CHUK: variants seen among roughly 807,000 people sequenced by gnomAD.
CHUK encodes inhibitor of nuclear factor kappa-B kinase subunit alpha.
A neutral mutation model predicts 104.8 loss-of-function variants in CHUK; 35 were observed. That is an observed-to-expected ratio of 0.33 (90% confidence interval 0.26 to 0.44). The LOEUF is 0.44. Ranked by LOEUF, CHUK falls within the 20% of genes least tolerant of loss-of-function variation. CHUK has a pLI of 1.00. For synonymous variants in CHUK, 276 were observed against 291.9 expected (o/e 0.95, Z 0.56); for missense variants, 663 against 902.7 (o/e 0.73, Z 3.40).
chr10:100,219,590 G>T (rs572144409), intron 5 of CHUK, among the ~76,000 whole-genome samples: 1 of 152,142 alleles, frequency 6.6e-6, no homozygotes, highest in Non-Finnish European at 1.5e-5. Flanking sequence ...CTGCTTCACA[G>T]AATTGTTATT....
intron 9 of CHUK, among the ~76,000 whole-genome samples, chr10:100,215,188 T>C (rs1845823949): frequency 7.6e-6 from 1 of 132,148 alleles, no homozygotes; most frequent in Admixed American, 8.8e-5. Flanking sequence ...TGAGTTGAGA[T>C]CGTGAGACAG....
intron 1 of CHUK, among the ~76,000 whole-genome samples, chr10:100,227,198 T>G (rs1020673349): frequency 6.6e-6 from 1 of 152,202 alleles, no homozygotes; most frequent in African/African-American, 2.4e-5. Flanking sequence ...TTATATTTCA[T>G]CAACTCTGTG....
intron 15 of CHUK, among the ~76,000 whole-genome samples, chr10:100,200,444 C>A (rs550917772): frequency 6.6e-6 from 1 of 152,176 alleles, no homozygotes; most frequent in East Asian, 1.9e-4. Flanking sequence ...CTTAACACTC[C>A]TATGAAATAA....
At position 100,199,879 on chromosome 10, in the gene CHUK, T is replaced by A. The variant is rs17882927; in HGVS notation, c.1729+92A>T. The A allele has an allele frequency of 2.1e-3, 1,981 of 959,224 alleles. 27 individuals carry two copies. In the African/African-American group the frequency reaches 0.028, roughly 14 times the overall value. 59.4% of individuals were successfully genotyped at this position (959,224 alleles called of 1,614,324 possible). ...AATTTATTCTGCAGCTTTAAGAAAA[T>A]TTTTAACTTAAAAATATTAGATCCC... On this transcript the variant is annotated intron_variant, in intron 16 of 20. Transcript: ENST00000370397.
intron 13 of CHUK, among the ~76,000 whole-genome samples, chr10:100,203,017 C>T (rs1305717968): frequency 3.9e-5 from 6 of 152,116 alleles, no homozygotes; most frequent in African/African-American, 1.4e-4. Flanking sequence ...CTTTGGCCTC[C>T]CAAAGTGTTG....
intron 9 of CHUK, among the ~76,000 whole-genome samples, chr10:100,213,815 C>T (rs376606413): frequency 5.9e-5 from 9 of 152,212 alleles, no homozygotes; most frequent in African/African-American, 2.4e-5. Context: ...AGCCACCACA[C>T]CTGTATCAAC....
Position 100,201,684 on chromosome 10 carries a change from G to T in CHUK, c.1569+404C>A, listed in dbSNP as rs7897733. 2.8e-3 allele frequency among the ~76,000 whole-genome samples: 419 copies of T among 152,100 alleles called. 2 individuals are homozygous for T. Among genetic ancestry groups the T allele is most frequent in the African/African-American group, 9.8e-3 (406 of 41,494 alleles). On this transcript the variant is annotated intron_variant, in intron 14 of 20. Transcript: ENST00000370397. ...AGCCTGGACAACATAGTGAGACCCC[G>T]TCTCTACAAAAAATGTAAAAGTTAG...
intron 13 of CHUK, 110 bp downstream of exon 13, chr10:100,204,396 T>G: frequency 1.2e-6 from 1 of 859,676 alleles, no homozygotes; most frequent in Non-Finnish European, 2.0e-6. Context: ...GTCCTGTCTC[T>G]TGTTCTAATG....
intron 9 of CHUK, among the ~76,000 whole-genome samples, chr10:100,214,255 GTAGGTACATACTA>G (rs1404091111): frequency 6.6e-6 from 1 of 152,144 alleles, no homozygotes; most frequent in African/African-American, 2.4e-5. Flanking sequence ...CCTACTATTG[GTAGGTACATACTA>G]TTGGTACATA....
rs774832811 is a variant in CHUK at position 100,209,695 on chromosome 10, C to T, written c.1028G>A (p.Arg343His). ...AGAACCAGTATTTATTCCAGTTTCACGCTCAATACGAGACTGTAGTGAATG... is the reference window on the plus strand; with the variant it reads ...AGAACCAGTATTTATTCCAGTTTCATGCTCAATACGAGACTGTAGTGAATG... ...SLHSLQSRIE[R>H]ETGINTGSQE... is the part of the protein sequence containing the mutation. The change falls in exon 10 of 21, where the codon CGT becomes CAT. Residue 343 changes from arginine to histidine, a missense_variant. By Grantham distance (29) the Arg-to-His change is conservative. This residue lies in a region of CHUK where 93 missense variants were observed against 95.9 expected (regional missense o/e 0.97). Coordinates refer to ENST00000370397, the MANE Select transcript of CHUK (RefSeq NM_001278.5). 55 of 1,580,922 alleles carry T rather than the reference C, an allele frequency of 3.5e-5. No homozygotes were observed. In the East Asian group the frequency reaches 8.9e-4, roughly 26 times the overall value.
chr10:100,219,432 C>A, intron 5 of CHUK, 73 bp from the exon 6 acceptor site: 3 of 890,264 alleles, frequency 3.4e-6, no homozygotes, highest in Non-Finnish European at 5.6e-6. Context: ...AATATCCTTA[C>A]GAGGCTGTAG....
At chr10:100,220,169 T>C (rs1039421401) in intron 5 of CHUK, among the ~76,000 whole-genome samples, 2 of 152,146 alleles carry the variant, frequency 1.3e-5, no homozygotes, top group African/African-American at 2.4e-5. Context: ...ATATATACTT[T>C]CTTTTTTTTC....
At chr10:100,228,068 C>A (rs1846144178) in intron 1 of CHUK, among the ~76,000 whole-genome samples, 1 of 152,200 alleles carries the variant, frequency 6.6e-6, no homozygotes, top group African/African-American at 2.4e-5. Flanking sequence ...AAAGTAGCAG[C>A]AGGTGCTAAC....
At chr10:100,189,823 CCTTTT>C (rs1427806774) in intron 20 of CHUK, among the ~76,000 whole-genome samples, 196 bp from the exon 21 acceptor site, 17 of 149,866 alleles carry the variant, frequency 1.1e-4, no homozygotes, top group Non-Finnish European at 1.6e-4. Flanking sequence ...ATTATTCTTT[CCTTTT>C]CTTTTCTTTT....
chr10:100,220,985 A>T (rs1465492743), intron 4 of CHUK, among the ~76,000 whole-genome samples: 1 of 152,214 alleles, frequency 6.6e-6, no homozygotes, highest in Non-Finnish European at 1.5e-5. Context: ...CACTCATTTC[A>T]ATTGGACTTT....
At chr10:100,189,754 C>T in intron 20 of CHUK, 127 bp from the exon 21 acceptor site, 3 of 633,386 alleles carry the variant, frequency 4.7e-6, no homozygotes, top group Admixed American at 2.7e-5. Flanking sequence ...ATTTCATTTA[C>T]CTTATTTCCT....
At chr10:100,213,636 C>T (rs894179561) in intron 9 of CHUK, among the ~76,000 whole-genome samples, 3 of 152,202 alleles carry the variant, frequency 2.0e-5, no homozygotes, top group African/African-American at 4.8e-5. Flanking sequence ...ACTCTTCTGC[C>T]TCAGCCTCCC....
At chr10:100,208,793 A>G (rs1454052272) in intron 10 of CHUK, among the ~76,000 whole-genome samples, 1 of 151,910 alleles carries the variant, frequency 6.6e-6, no homozygotes, top group African/African-American at 2.4e-5. Flanking sequence ...AAAAAAAAAA[A>G]AAACTGGAAG....
intron 4 of CHUK, 96 bp downstream of exon 4, chr10:100,222,016 G>C (rs1186580499): frequency 1.0e-5 from 7 of 697,170 alleles, no homozygotes; most frequent in Non-Finnish European, 1.8e-5. Context: ...TATAGACTTT[G>C]TATAGTGTAT....
Sources: allele counts gnomAD v4.1 joint callset (sites outside exome capture counted in the v4.1 genomes callset), GRCh38; gene constraint gnomAD v4.1.1; regional missense constraint gnomAD v4.1.1; transcripts MANE v1.5; gene names NCBI Gene and HGNC (gene_info 2026-07-23, HGNC 2026-07-21).